FSTL5: variants seen among roughly 807,000 people sequenced by gnomAD.
FSTL5 encodes follistatin-related protein 5.
Under a neutral mutation model 89.1 loss-of-function variants are expected in FSTL5, and 62 were observed. The observed-to-expected ratio is 0.70, with a 90% CI of 0.57 to 0.86. The LOEUF is 0.86. FSTL5 is among the 40% of genes least tolerant of loss of function. The probability of loss-of-function intolerance (pLI) is 0.00; values close to 1 mark genes in which losing one functional copy is unlikely to be tolerated. For missense variants in FSTL5, 1,057 were observed against 1,001.6 expected (o/e 1.06, Z -0.75); for synonymous variants, 383 against 346.2 (o/e 1.11, Z -1.18).
intron 3 of FSTL5, among the ~76,000 whole-genome samples, chr4:162,021,309 A>T (rs1173693359): frequency 6.6e-6 from 1 of 152,158 alleles, no homozygotes; most frequent in African/African-American, 2.4e-5. Flanking sequence ...TAAGAATGAC[A>T]ATCTCAAGTA....
At chr4:161,790,395 AC>A (rs1463008209) in intron 4 of FSTL5, among the ~76,000 whole-genome samples, 2 of 152,010 alleles carry the variant, frequency 1.3e-5, no homozygotes, top group African/African-American at 4.8e-5. Context: ...ATACAAACCT[AC>A]CCTAGGGTTT....
At chr4:161,505,292 T>C (rs966495201) in intron 11 of FSTL5, among the ~76,000 whole-genome samples, 2 of 152,002 alleles carry the variant, frequency 1.3e-5, no homozygotes, top group Non-Finnish European at 2.9e-5. Context: ...GGAGATAACA[T>C]TGTCTTTGTA....
intron 1 of FSTL5, among the ~76,000 whole-genome samples, chr4:162,155,845 A>C (rs1393754101): frequency 2.6e-5 from 4 of 152,216 alleles, no homozygotes; most frequent in Admixed American, 2.6e-4. Context: ...AGAAAATGGA[A>C]AAGCAGGCTG....
chr4:161,894,852 T>C (rs961129212), intron 4 of FSTL5, among the ~76,000 whole-genome samples: 1 of 152,218 alleles, frequency 6.6e-6, no homozygotes, highest in African/African-American at 2.4e-5. Flanking sequence ...GAAGCTTCTA[T>C]AAGACAGGAA....
At chr4:161,666,349 C>T (rs904069185) in intron 6 of FSTL5, among the ~76,000 whole-genome samples, 1 of 152,054 alleles carries the variant, frequency 6.6e-6, no homozygotes, top group South Asian at 2.1e-4. Context: ...TAAGCCAAAA[C>T]CCTTCAAATT....
chr4:161,955,886 GT>G (rs948141586), intron 3 of FSTL5, among the ~76,000 whole-genome samples: 5 of 150,606 alleles, frequency 3.3e-5, no homozygotes, highest in African/African-American at 7.3e-5. Flanking sequence ...GAGAGAGGTG[GT>G]TTTTTTTTGT....
chr4:161,831,151 T>C (rs997373040), intron 4 of FSTL5, among the ~76,000 whole-genome samples: 2 of 151,974 alleles, frequency 1.3e-5, no homozygotes, highest in African/African-American at 2.4e-5. Flanking sequence ...ACGATGGCTA[T>C]GTTCATTCTT....
rs546647574 is a variant in FSTL5, at chr4:161,577,530, C to T, written c.1015+9925G>A. On this transcript the variant is annotated intron_variant, in intron 8 of 15. Transcript: ENST00000306100. ...GGTGTATAATTGTCTTGGCTTTCTT[C>T]CTGGCGGCATCCATTGACATTGATG... Among the ~76,000 whole-genome samples, 4 of 148,114 alleles carry T rather than the reference C, an allele frequency of 2.7e-5. No individual in the cohort carries two copies. The South Asian group carries it at 8.6e-4, about 32-fold the overall frequency.
At chr4:161,996,999 G>A (rs1012368787) in intron 3 of FSTL5, among the ~76,000 whole-genome samples, 1 of 152,210 alleles carries the variant, frequency 6.6e-6, no homozygotes, top group African/African-American at 2.4e-5. Context: ...TGAAATTTAT[G>A]TGAATATAGT....
chr4:161,557,689 A>G (rs1056431385), intron 8 of FSTL5, among the ~76,000 whole-genome samples: 1 of 150,366 alleles, frequency 6.7e-6, no homozygotes, highest in Admixed American at 6.7e-5. Context: ...TGAGTCATCA[A>G]TATTAAAATT....
chr4:161,782,959 C>A (rs1243586405), intron 4 of FSTL5, among the ~76,000 whole-genome samples: 1 of 152,140 alleles, frequency 6.6e-6, no homozygotes, highest in Non-Finnish European at 1.5e-5. Context: ...TCAAATACAA[C>A]ACACTTGGAT....
At chr4:161,705,203 T>G (rs1738528848) in intron 6 of FSTL5, among the ~76,000 whole-genome samples, 1 of 152,216 alleles carries the variant, frequency 6.6e-6, no homozygotes, top group East Asian at 1.9e-4. Context: ...CATATACATT[T>G]ATGTATTTAG....
chr4:161,627,693 A>G (rs1430052306), intron 7 of FSTL5, among the ~76,000 whole-genome samples: 1 of 152,182 alleles, frequency 6.6e-6, no homozygotes, highest in Non-Finnish European at 1.5e-5. Context: ...ACACTGCCTA[A>G]GTCAAAAGTA....
intron 15 of FSTL5, among the ~76,000 whole-genome samples, chr4:161,392,440 G>C (rs1315370228): frequency 6.6e-6 from 1 of 152,116 alleles, no homozygotes; most frequent in Non-Finnish European, 1.5e-5. Flanking sequence ...GCCAAGGCTA[G>C]CCTTGAACTC....
intron 4 of FSTL5, among the ~76,000 whole-genome samples, chr4:161,901,992 A>G (rs937104953): frequency 1.3e-5 from 2 of 152,176 alleles, no homozygotes; most frequent in Admixed American, 1.3e-4. Flanking sequence ...AGCCAAATAA[A>G]GATTAGTATA....
chr4:162,018,688 A>G (rs1395690884), intron 3 of FSTL5, among the ~76,000 whole-genome samples: 1 of 151,846 alleles, frequency 6.6e-6, no homozygotes, highest in Non-Finnish European at 1.5e-5. Context: ...CTAACTCAGT[A>G]TTTTTTCTCA....
At chr4:161,933,253 C>G (rs757666540) in intron 3 of FSTL5, among the ~76,000 whole-genome samples, 10 of 152,074 alleles carry the variant, frequency 6.6e-5, no homozygotes, top group Non-Finnish European at 1.3e-4. Context: ...GACAGCACAG[C>G]CACAGGATCC....
chr4:162,023,090 TAA>T (rs1737152524), intron 3 of FSTL5, among the ~76,000 whole-genome samples: 1 of 152,134 alleles, frequency 6.6e-6, no homozygotes, highest in African/African-American at 2.4e-5. Context: ...ACAATTTTTT[TAA>T]AAGAGACCTC....
intron 3 of FSTL5, among the ~76,000 whole-genome samples, chr4:161,951,063 T>C (rs2110952491): frequency 1.3e-5 from 2 of 152,142 alleles, no homozygotes; most frequent in Middle Eastern, 3.4e-3. Context: ...GCTGTTCTCA[T>C]GACAGCGAAT....
Sources: gnomAD v4.1 joint callset for allele counts (sites outside exome capture counted in the v4.1 genomes callset) on GRCh38, gnomAD v4.1.1 for gene constraint, MANE v1.5 for transcripts, NCBI Gene and HGNC (gene_info 2026-07-23, HGNC 2026-07-21) for gene names.